The following SPECC1 variants were observed in gnomAD, a reference collection of about 807,000 sequenced individuals.
SPECC1 encodes the protein sperm antigen with calponin homology and coiled-coil domains 1, also known as cytospin-B.
Under a neutral mutation model 104.1 loss-of-function variants are expected in SPECC1, and 62 were observed. The observed-to-expected ratio is 0.60, with a 90% confidence interval of 0.49 to 0.74. The LOEUF (loss-of-function observed/expected upper bound fraction) is 0.74, where lower values mean the gene tolerates loss of function less well. Among genes scored for constraint, SPECC1 ranks in the 30% least tolerant of loss-of-function variants. The pLI is 0.00. For synonymous variants in SPECC1, 513 were observed against 501.6 expected (o/e 1.02, Z -0.30); for missense variants, 1,306 against 1,310.5 (o/e 1.00, Z 0.05).
intron 1 of SPECC1, among the ~76,000 whole-genome samples, chr17:20,010,527 G>A (rs901453938): frequency 2.0e-5 from 3 of 152,184 alleles, no homozygotes; most frequent in African/African-American, 7.2e-5. Flanking sequence ...AATTAGCTTT[G>A]CAGGATTAAC....
At chr17:20,210,642 G>A (rs2037078257) in intron 4 of SPECC1, among the ~76,000 whole-genome samples, 1 of 152,248 alleles carries the variant, frequency 6.6e-6, no homozygotes, top group Admixed American at 6.5e-5. Context: ...GAAACAAGGT[G>A]GGGGTGGCTT....
chr17:20,237,302 G>GTTGTTTTGTT, intron 7 of SPECC1: 1 of 1,058,452 alleles, frequency 9.4e-7, no homozygotes, highest in Non-Finnish European at 1.1e-6. Flanking sequence ...TGTTGTTGTT[G>GTTGTTTTGTT]TTGTTTTGTT....
At chr17:20,256,054 T>C (rs141471676) in intron 10 of SPECC1, among the ~76,000 whole-genome samples, 1 of 151,944 alleles carries the variant, frequency 6.6e-6, no homozygotes, top group Non-Finnish European at 1.5e-5. Flanking sequence ...ATTTTTTGTA[T>C]TTTTAGTAGA....
At chr17:20,244,652 C>CTTA (rs1411082976) in intron 7 of SPECC1, among the ~76,000 whole-genome samples, 1 of 151,956 alleles carries the variant, frequency 6.6e-6, no homozygotes, top group Admixed American at 6.6e-5. Flanking sequence ...ACTGGAGAAG[C>CTTA]TTATGAGTAG....
chr17:20,119,634 T>C (rs989007530), intron 3 of SPECC1, among the ~76,000 whole-genome samples: 1 of 152,250 alleles, frequency 6.6e-6, no homozygotes, highest in Non-Finnish European at 1.5e-5. Context: ...GACTGCCTCA[T>C]TTGGAATAGG....
At chr17:20,171,108 T>C (rs2034055237) in intron 3 of SPECC1, among the ~76,000 whole-genome samples, 1 of 152,064 alleles carries the variant, frequency 6.6e-6, no homozygotes, top group Admixed American at 6.6e-5. Context: ...TTTGGCCTCT[T>C]TTGCTCTCCC....
rs528118253 is a variant in SPECC1 at position 20,261,394 on chromosome 17, C to T, written c.2940+1100C>T. 3.3e-5 allele frequency among the ~76,000 whole-genome samples: 5 copies of T among 149,454 alleles called. No individual in the cohort carries two copies. In the South Asian group the frequency reaches 6.4e-4, roughly 19 times the overall value. On this transcript the variant is annotated intron_variant, in intron 12 of 14. Coordinates refer to ENST00000395527, the MANE Select transcript of SPECC1 (RefSeq NM_001243439.2). Reference sequence around the variant, plus strand: ...GCGGGCGCCTGTAGTCACAGCTACTCGGGAGGCTGAGGCAGGAGAATGGTG... The same window carrying T: ...GCGGGCGCCTGTAGTCACAGCTACTTGGGAGGCTGAGGCAGGAGAATGGTG...
At position 20,100,288 on chromosome 17, in the gene SPECC1, C is replaced by G. The variant is rs1163300748; in HGVS notation, c.147+3490C>G. On this transcript the variant is annotated intron_variant, in intron 2 of 14. Coordinates refer to ENST00000395527, the MANE Select transcript of SPECC1 (RefSeq NM_001243439.2). ...CCTTTCCAGCCCTGGTTCTGTTCCT[C>G]TGATTTGACCTTAATCTTTCCACCT... is the stretch of plus-strand genomic sequence containing the variant. 2.0e-5 allele frequency among the ~76,000 whole-genome samples: 3 copies of G among 152,210 alleles called. No homozygotes were observed. In the East Asian group the frequency reaches 5.8e-4, roughly 29 times the overall value.
Position 20,246,023 on chromosome 17 carries a change from G to A in SPECC1, c.2449G>A (p.Ala817Thr). The A allele has an allele frequency of 6.2e-7, 1 of 1,614,162 alleles. No homozygotes were observed. The highest frequency in any genetic ancestry group is 8.5e-7 in the Non-Finnish European group (1 of 1,180,020). Reference sequence around the variant, plus strand: ...AACATCTCCAACACCCCCAGAGTCGGCAACCACCGTTAAGTCACTTATCAA... The same window carrying A: ...AACATCTCCAACACCCCCAGAGTCGACAACCACCGTTAAGTCACTTATCAA... The part of the protein sequence containing the change: ...SRTSPTPPES[A>T]TTVKSLIKSF... Residue 817 changes from alanine to threonine, a missense_variant, in exon 8 of 15, where the codon GCA (alanine) becomes ACA (threonine). This residue lies in a region of SPECC1 where 1,177 missense variants were observed against 1,139.9 expected (regional missense o/e 1.03). Coordinates refer to ENST00000395527, the MANE Select transcript of SPECC1 (RefSeq NM_001243439.2).
At chr17:20,223,524 T>C (rs1327037549) in intron 4 of SPECC1, among the ~76,000 whole-genome samples, 3 of 151,940 alleles carry the variant, frequency 2.0e-5, no homozygotes, top group African/African-American at 7.3e-5. Flanking sequence ...AATACAAAAA[T>C]TAGCCGGGCG....
At chr17:20,244,387 A>G (rs576197095) in intron 7 of SPECC1, among the ~76,000 whole-genome samples, 5 of 152,326 alleles carry the variant, frequency 3.3e-5, no homozygotes, top group Non-Finnish European at 7.4e-5. Flanking sequence ...TATGAAAACC[A>G]GTTCCTCTCA....
At chr17:20,241,270 C>T (rs892725929) in intron 7 of SPECC1, among the ~76,000 whole-genome samples, 5 of 152,282 alleles carry the variant, frequency 3.3e-5, no homozygotes, top group Admixed American at 3.3e-4. Context: ...TCTTTGCGTG[C>T]CCCTCATCCA....
At chr17:20,023,919 AAAG>A (rs564239632) in intron 1 of SPECC1, among the ~76,000 whole-genome samples, 67 of 152,362 alleles carry the variant, frequency 4.4e-4, no homozygotes, top group Admixed American at 1.2e-3. Context: ...AAAATGAAAA[AAAG>A]AACAGTATAA....
intron 8 of SPECC1, among the ~76,000 whole-genome samples, chr17:20,246,788 CTG>C (rs1567981250): frequency 6.6e-6 from 1 of 152,206 alleles, no homozygotes; most frequent in East Asian, 1.9e-4. Flanking sequence ...TATTGGGAGA[CTG>C]TAGTAAAAGT....
At chr17:20,080,827 G>A (rs1237573450) in intron 1 of SPECC1, among the ~76,000 whole-genome samples, 1 of 152,096 alleles carries the variant, frequency 6.6e-6, no homozygotes, top group Non-Finnish European at 1.5e-5. Flanking sequence ...AGAGATTTGG[G>A]CATCCCTTGG....
intron 3 of SPECC1, among the ~76,000 whole-genome samples, chr17:20,186,552 G>C (rs746215015): frequency 6.6e-6 from 1 of 152,118 alleles, no homozygotes; most frequent in Admixed American, 6.5e-5. Context: ...AATGGTTTAC[G>C]TGATTTTTGT....
chr17:20,055,955 G>C (rs1203997414), intron 1 of SPECC1, among the ~76,000 whole-genome samples: 1 of 152,196 alleles, frequency 6.6e-6, no homozygotes, highest in Non-Finnish European at 1.5e-5. Flanking sequence ...CTGGTGCAGG[G>C]GCCTGCTTAG....
intron 9 of SPECC1, among the ~76,000 whole-genome samples, chr17:20,253,218 G>A (rs1178313972): frequency 6.6e-6 from 1 of 152,112 alleles, no homozygotes. Flanking sequence ...TTCCAGGAAA[G>A]ATATTCACAA....
chr17:20,168,129 T>C (rs1361107831), intron 3 of SPECC1, among the ~76,000 whole-genome samples: 1 of 152,190 alleles, frequency 6.6e-6, no homozygotes, highest in Non-Finnish European at 1.5e-5. Flanking sequence ...CTAATACTGT[T>C]AATACTGTTT....
Sources: allele counts gnomAD v4.1 joint callset (sites outside exome capture counted in the v4.1 genomes callset), GRCh38; gene constraint gnomAD v4.1.1; regional missense constraint gnomAD v4.1.1; transcripts MANE v1.5; gene names NCBI Gene and HGNC (gene_info 2026-07-23, HGNC 2026-07-21).